RALGAPA1: variants seen among roughly 807,000 people sequenced by gnomAD.
RALGAPA1 encodes the protein Ral GTPase activating protein catalytic subunit alpha 1, also known as ral GTPase-activating protein subunit alpha-1.
In RALGAPA1, 52 loss-of-function variants were observed where a neutral mutation model predicts 269.6. The ratio of observed to expected loss-of-function variants is 0.19; its 90% CI spans 0.15 to 0.24. The LOEUF is 0.24. RALGAPA1 is among the 10% of genes least tolerant of loss of function. The probability of loss-of-function intolerance (pLI) is 1.00; values close to 1 mark genes in which losing one functional copy is unlikely to be tolerated. For synonymous variants in RALGAPA1, 817 were observed against 1,008.3 expected, an observed-to-expected ratio of 0.81 and a Z score of 3.60; for missense variants, 1,917 against 3,013.9, an observed-to-expected ratio of 0.64 and a Z score of 8.52.
chr14:35,774,529 C>A (rs2074874884), intron 3 of RALGAPA1, among the ~76,000 whole-genome samples: 1 of 151,576 alleles, frequency 6.6e-6, no homozygotes, highest in African/African-American at 2.4e-5. Context: ...TAAAGACTTG[C>A]CCCATTTCCA....
intron 26 of RALGAPA1, 86 bp from the exon 27 acceptor site, chr14:35,664,853 G>C: frequency 1.6e-6 from 2 of 1,239,626 alleles, no homozygotes; most frequent in South Asian, 2.9e-5. Flanking sequence ...AACTACATTA[G>C]ACAGGGAAGT....
intron 35 of RALGAPA1, among the ~76,000 whole-genome samples, chr14:35,619,620 G>A (rs1377994301): frequency 3.3e-5 from 5 of 151,954 alleles, no homozygotes; most frequent in Non-Finnish European, 7.4e-5. Context: ...TAATAAAGAA[G>A]AAAAGAGAAG....
chr14:35,744,058 T>C (rs2071813802), intron 10 of RALGAPA1, among the ~76,000 whole-genome samples: 1 of 152,210 alleles, frequency 6.6e-6, no homozygotes, highest in Non-Finnish European at 1.5e-5. Context: ...TATTTTTACT[T>C]TACTTTTTAG....
chr14:35,605,633 C>T lies in RALGAPA1; in HGVS notation c.7006G>A (p.Gly2336Arg), dbSNP rs1359626344. The change falls in exon 36 of 42, where the codon GGA becomes AGA. Residue 2336 changes from glycine (G) to arginine (R), a missense_variant. By Grantham distance (125) the Gly-to-Arg change is moderately radical. This residue lies in a region of RALGAPA1 where 132 missense variants were observed against 271.2 expected (regional missense o/e 0.49). Transcript: ENST00000680220. ...AAATCTTCATATGCTTGACTTCCTC[C>T]TGTATTGGTGAGAATGGAGTGTTTG... ...EDKHSILTNT[G>R]GSQAYEDFVA... The T allele has an allele frequency of 3.1e-6, 5 of 1,610,066 alleles. No homozygotes were observed. The highest frequency in any genetic ancestry group is 4.5e-5 in the East Asian group (2 of 44,758).
intron 21 of RALGAPA1, among the ~76,000 whole-genome samples, chr14:35,679,869 A>T (rs1365900485): frequency 6.6e-6 from 1 of 152,224 alleles, no homozygotes; most frequent in African/African-American, 2.4e-5. Flanking sequence ...TCATATATCA[A>T]ATGAGTAATC....
At chr14:35,697,522 AT>A (rs2066998097) in intron 17 of RALGAPA1, among the ~76,000 whole-genome samples, 1 of 151,362 alleles carries the variant, frequency 6.6e-6, no homozygotes, top group African/African-American at 2.4e-5. Context: ...GTTTTTTTGT[AT>A]TTTTAGTAGA....
intron 37 of RALGAPA1, among the ~76,000 whole-genome samples, chr14:35,581,681 C>T (rs557884867): frequency 2.6e-5 from 4 of 152,096 alleles, no homozygotes; most frequent in Non-Finnish European, 4.4e-5. Context: ...AACGAAATAT[C>T]ATTTCACACC....
intron 31 of RALGAPA1, among the ~76,000 whole-genome samples, chr14:35,643,432 T>C (rs1385098840): frequency 6.6e-6 from 1 of 152,110 alleles, no homozygotes; most frequent in Non-Finnish European, 1.5e-5. Flanking sequence ...ACACTGTTGG[T>C]GGGAATTTAT....
rs1346120614 is a variant in RALGAPA1 at position 35,634,765 on chromosome 14, T to C, written c.5812-8A>G. 3 of 1,581,696 alleles carry C rather than the reference T, an allele frequency of 1.9e-6. No homozygotes were observed. In the South Asian group the frequency reaches 3.6e-5, roughly 19 times the overall value. ...AACACACCCATGTAAAACCTGAAAA[T>C]ACAGGGGGAAACACCCAGTTTTACT... On this transcript the variant is annotated splice_polypyrimidine_tract_variant and splice_region_variant and intron_variant, in intron 32 of 41. Coordinates refer to ENST00000680220, the MANE Select transcript of RALGAPA1 (RefSeq NM_001346249.2).
intron 3 of RALGAPA1, among the ~76,000 whole-genome samples, chr14:35,774,771 AT>A (rs1410201738): frequency 1.3e-5 from 2 of 152,136 alleles, no homozygotes; most frequent in Non-Finnish European, 2.9e-5. Flanking sequence ...TATCATACCA[AT>A]TTTGTGGTGT....
At chr14:35,736,456 A>G (rs2071002492) in intron 12 of RALGAPA1, among the ~76,000 whole-genome samples, 1 of 152,222 alleles carries the variant, frequency 6.6e-6, no homozygotes. Context: ...AGACAAGAGA[A>G]TAAGAGATTC....
At chr14:35,654,247 G>T in intron 30 of RALGAPA1, 120 bp downstream of exon 30, 1 of 988,004 alleles carries the variant, frequency 1.0e-6, no homozygotes. Context: ...AAGCATGATG[G>T]GTAGCCATTA....
chr14:35,720,371 T>C (rs2069281017), intron 16 of RALGAPA1, among the ~76,000 whole-genome samples: 1 of 152,218 alleles, frequency 6.6e-6, no homozygotes, highest in Non-Finnish European at 1.5e-5. Flanking sequence ...ATTTTCTTTC[T>C]AGTTGTTTCT....
chr14:35,570,135 T>A (rs2057056935), intron 39 of RALGAPA1, among the ~76,000 whole-genome samples: 3 of 151,806 alleles, frequency 2.0e-5, no homozygotes, highest in Admixed American at 2.0e-4. Context: ...CTGGGTGTGG[T>A]GGTGGATGCC....
At chr14:35,586,492 C>T (rs11847953) in intron 37 of RALGAPA1, among the ~76,000 whole-genome samples, 7,784 of 152,200 alleles carry the variant, frequency 0.051, 582 homozygotes, top group African/African-American at 0.16. Flanking sequence ...CTATGTTGAA[C>T]AGGAGTGGTG....
Position 35,622,342 on chromosome 14 carries a change from T to A in RALGAPA1, c.6929+3019A>T, listed in dbSNP as rs551949476. On this transcript the variant is annotated intron_variant, in intron 35 of 41. Coordinates refer to ENST00000680220, the MANE Select transcript of RALGAPA1 (RefSeq NM_001346249.2). ...GATCACTTGGACATAGGGTGGGGAA[T>A]ATCACACATTGGGGCCTGTTGGGGG... 2.0e-5 allele frequency among the ~76,000 whole-genome samples: 3 copies of A among 151,906 alleles called. No homozygotes were observed. In the East Asian group the frequency reaches 5.8e-4, roughly 29 times the overall value.
chr14:35,637,718 G>A (rs990270298), intron 31 of RALGAPA1, among the ~76,000 whole-genome samples: 1 of 152,088 alleles, frequency 6.6e-6, no homozygotes, highest in African/African-American at 2.4e-5. Flanking sequence ...GTACAAGTAG[G>A]TTATAGAACA....
intron 37 of RALGAPA1, among the ~76,000 whole-genome samples, chr14:35,584,631 C>T (rs2058161803): frequency 6.6e-6 from 1 of 151,894 alleles, no homozygotes; most frequent in Non-Finnish European, 1.5e-5. Flanking sequence ...GTAAACTCTA[C>T]AGCAATCACT....
chr14:35,747,384 T>C (rs2072217285), intron 10 of RALGAPA1, among the ~76,000 whole-genome samples: 1 of 152,182 alleles, frequency 6.6e-6, no homozygotes, highest in African/African-American at 2.4e-5. Context: ...TCCCCATGAG[T>C]ATTCCAACAT....
Sources: gnomAD v4.1 joint callset for allele counts (sites outside exome capture counted in the v4.1 genomes callset) on GRCh38, gnomAD v4.1.1 for gene constraint, gnomAD v4.1.1 regional missense constraint, MANE v1.5 for transcripts, NCBI Gene and HGNC (gene_info 2026-07-23, HGNC 2026-07-21) for gene names.